Variants in GSAP observed in about 807,000 individuals in gnomAD.
The protein encoded by GSAP is gamma-secretase activating protein.
Under a neutral mutation model 131.7 loss-of-function variants are expected in GSAP, and 118 were observed. The observed-to-expected ratio is 0.90, with a 90% CI of 0.77 to 1.04. GSAP has a LOEUF of 1.04. GSAP is among the 50% of genes least tolerant of loss of function. The pLI, the probability that GSAP is intolerant of heterozygous loss-of-function variation, is 0.00. For synonymous variants in GSAP, 381 were observed against 363.4 expected (o/e 1.05, Z -0.55); for missense variants, 1,019 against 1,013.2 (o/e 1.01, Z -0.08).
intron 16 of GSAP, among the ~76,000 whole-genome samples, chr7:77,354,810 G>A (rs1268530650): frequency 6.6e-6 from 1 of 151,840 alleles, no homozygotes; most frequent in African/African-American, 2.4e-5. Flanking sequence ...AAACTCTAAT[G>A]TGAAATACAA....
At chr7:77,368,173 GTCACTCC>G (rs1795589527) in intron 12 of GSAP, among the ~76,000 whole-genome samples, 1 of 152,134 alleles carries the variant, frequency 6.6e-6, no homozygotes, top group Admixed American at 6.5e-5. Flanking sequence ...CTGGCTCTGT[GTCACTCC>G]TAGGTGGGCT....
At chr7:77,377,258 A>AAAAG in intron 9 of GSAP, 28 bp downstream of exon 9, 1 of 1,400,742 alleles carries the variant, frequency 7.1e-7, no homozygotes, top group Non-Finnish European at 9.4e-7. Context: ...AAAAAAAAAA[A>AAAAG]GGAGTGCCCG....
chr7:77,336,708 G>A (rs538979444), intron 19 of GSAP, among the ~76,000 whole-genome samples: 3 of 152,066 alleles, frequency 2.0e-5, no homozygotes, highest in Non-Finnish European at 2.9e-5. Flanking sequence ...AGCTAGTCTC[G>A]AACTCCTGAC....
intron 14 of GSAP, among the ~76,000 whole-genome samples, 175 bp from the exon 15 acceptor site, chr7:77,355,822 T>A (rs1387490953): frequency 8.5e-6 from 1 of 117,400 alleles, no homozygotes; most frequent in African/African-American, 3.9e-5. Flanking sequence ...AGGGTCTGAC[T>A]CTGTCACCCA....
At chr7:77,382,667 A>T (rs1157582477) in intron 6 of GSAP, 24 bp from the exon 7 acceptor site, 2 of 1,264,762 alleles carry the variant, frequency 1.6e-6, no homozygotes, top group East Asian at 2.3e-5. Flanking sequence ...ATTAATCATA[A>T]TTGTAAGCAA....
At chr7:77,335,236 T>A (rs1400156538) in intron 19 of GSAP, among the ~76,000 whole-genome samples, 1 of 151,948 alleles carries the variant, frequency 6.6e-6, no homozygotes, top group Non-Finnish European at 1.5e-5. Flanking sequence ...CCCGGCTCTA[T>A]TAAAAATGCA....
intron 12 of GSAP, among the ~76,000 whole-genome samples, chr7:77,369,810 G>C (rs1467865281): frequency 6.6e-6 from 1 of 152,018 alleles, no homozygotes; most frequent in Non-Finnish European, 1.5e-5. Context: ...GAGTAATATA[G>C]GAAACACATG....
intron 3 of GSAP, among the ~76,000 whole-genome samples, chr7:77,402,882 C>G (rs756372905): frequency 6.6e-6 from 1 of 152,110 alleles, no homozygotes; most frequent in African/African-American, 2.4e-5. Context: ...ATTCAAAGCA[C>G]CTTTGTCACT....
chr7:77,402,701 A>AG (rs2151167640), intron 3 of GSAP, among the ~76,000 whole-genome samples: 1 of 150,292 alleles, frequency 6.7e-6, no homozygotes, highest in Non-Finnish European at 1.5e-5. Context: ...AAAAAAAAAC[A>AG]TATGGGCTGT....
At chr7:77,314,616 T>C in intron 26 of GSAP, 127 bp from the exon 27 acceptor site, 2 of 1,004,142 alleles carry the variant, frequency 2.0e-6, no homozygotes, top group Non-Finnish European at 2.9e-6. Context: ...ACTGAATTTC[T>C]TGAAAACAAG....
chr7:77,354,855 T>C (rs1017646871), intron 16 of GSAP, among the ~76,000 whole-genome samples: 4 of 152,196 alleles, frequency 2.6e-5, no homozygotes, highest in Admixed American at 2.0e-4. Flanking sequence ...GTAATAAATA[T>C]CTGCCACCAG....
intron 12 of GSAP, 105 bp from the exon 13 acceptor site, chr7:77,362,765 A>C: frequency 6.0e-6 from 4 of 665,608 alleles, no homozygotes; most frequent in Non-Finnish European, 1.1e-5. Context: ...GTCCTGTCTC[A>C]TCTTACCTCA....
At chr7:77,377,166 A>G in intron 9 of GSAP, 120 bp downstream of exon 9, 1 of 1,122,314 alleles carries the variant, frequency 8.9e-7, no homozygotes, top group Non-Finnish European at 1.2e-6. Flanking sequence ...GCAGTGAGCT[A>G]TGATCACACC....
At chr7:77,349,257 C>T in intron 19 of GSAP, 94 bp downstream of exon 19, 4 of 1,001,924 alleles carry the variant, frequency 4.0e-6, no homozygotes, top group Non-Finnish European at 3.2e-6. Flanking sequence ...CCTCCCCTGC[C>T]AATTTGCAAT....
intron 22 of GSAP, chr7:77,328,328 G>A: frequency 8.4e-7 from 1 of 1,196,776 alleles, no homozygotes; most frequent in Non-Finnish European, 1.0e-6. Context: ...ACAGCCAGAG[G>A]GCAGCTCTGT....
chr7:77,411,470 A>G (rs1394202965), intron 1 of GSAP, among the ~76,000 whole-genome samples: 2 of 152,256 alleles, frequency 1.3e-5, no homozygotes, highest in East Asian at 1.9e-4. Context: ...TTATAGTGCT[A>G]TATACCAGCA....
rs200277759 is a variant in GSAP at position 77,375,026 on chromosome 7, T to C, written c.785+32A>G. 4.4e-3 allele frequency: 4,747 copies of C among 1,067,196 alleles called. 53 individuals carry two copies. Among genetic ancestry groups the C allele is most frequent in the South Asian group, 0.029 (2,178 of 74,268 alleles). 66.1% of individuals were successfully genotyped at this position (1,067,196 alleles called of 1,614,324 possible). ...TAATCATTTTGCCCACAAGTATCTA[T>C]AAAAATTAGTAACAACCTATGAATA... On this transcript the variant is annotated intron_variant, in intron 11 of 30. Transcript: ENST00000257626.
intron 12 of GSAP, among the ~76,000 whole-genome samples, chr7:77,367,684 G>A (rs1795520612): frequency 6.6e-6 from 1 of 152,152 alleles, no homozygotes; most frequent in African/African-American, 2.4e-5. Flanking sequence ...GTCTCTGACA[G>A]GTTTTCAGTA....
intron 26 of GSAP, among the ~76,000 whole-genome samples, chr7:77,318,483 A>AAAT (rs1787175484): frequency 6.6e-6 from 1 of 152,234 alleles, no homozygotes; most frequent in South Asian, 2.1e-4. Flanking sequence ...TGAAGTAACT[A>AAAT]AATATCAGCT....
Sources: gnomAD v4.1 joint callset for allele counts (sites outside exome capture counted in the v4.1 genomes callset) on GRCh38, gnomAD v4.1.1 for gene constraint, MANE v1.5 for transcripts, NCBI Gene and HGNC (gene_info 2026-07-23, HGNC 2026-07-21) for gene names.